The following EYS variants were observed in gnomAD, a reference collection of about 807,000 sequenced individuals.
EYS encodes the protein protein eyes shut homolog.
EYS carries 250 observed loss-of-function variants against 282.1 expected under a neutral mutation model. That is an observed-to-expected ratio of 0.89 (90% CI 0.80 to 0.98). EYS has a LOEUF of 0.98. EYS is among the 50% of genes least tolerant of loss of function. The pLI is 0.00. For synonymous variants in EYS, 1,355 were observed against 1,282.9 expected, an observed-to-expected ratio of 1.06 and a Z score of -1.20; for missense variants, 4,016 against 3,709.0, an observed-to-expected ratio of 1.08 and a Z score of -2.15.
chr6:64,402,434 A>C (rs1339571946), intron 28 of EYS, among the ~76,000 whole-genome samples: 2 of 152,214 alleles, frequency 1.3e-5, no homozygotes, highest in African/African-American at 4.8e-5. Context: ...GTGTTCCTAG[A>C]AATGTACCAC....
intron 36 of EYS, among the ~76,000 whole-genome samples, chr6:63,827,701 G>A (rs9351029): frequency 0.5 from 75,005 of 151,522 alleles, 20,180 homozygotes; most frequent in Non-Finnish European, 0.6. Flanking sequence ...AAAATTAGCC[G>A]GGCGCTGTGG....
rs920132590 is a variant in EYS, at chr6:64,125,785, C to CAAAAA, written c.6425-43788_6425-43784dup. 5.9e-3 allele frequency among the ~76,000 whole-genome samples: 297 copies of CAAAAA among 49,994 alleles called. 5 individuals are homozygous for CAAAAA. Among genetic ancestry groups the CAAAAA allele is most frequent in the African/African-American group, 0.018 (285 of 15,808 alleles). The allele number at this position is 49,994 out of a possible 152,430, so 32.8% of individuals were successfully genotyped here. On this transcript the variant is annotated intron_variant, in intron 31 of 42. Transcript: ENST00000503581. ...TGGGCGACAGAGCAAGACTCCGTCT[C>CAAAAA]AAAAAAAAAAAAAAAAAAAAAAAAG...
intron 35 of EYS, among the ~76,000 whole-genome samples, chr6:63,878,420 G>T (rs879736711): frequency 3.3e-5 from 5 of 152,170 alleles, no homozygotes; most frequent in Non-Finnish European, 7.3e-5. Flanking sequence ...GCTACTCGGG[G>T]GTCCGGGACC....
intron 33 of EYS, among the ~76,000 whole-genome samples, chr6:64,007,829 T>G (rs1248349972): frequency 1.3e-5 from 2 of 152,240 alleles, no homozygotes; most frequent in Admixed American, 1.3e-4. Context: ...ATTTCTATTT[T>G]TATTGCACTG....
At chr6:64,073,010 T>A (rs919193969) in intron 32 of EYS, among the ~76,000 whole-genome samples, 1 of 151,860 alleles carries the variant, frequency 6.6e-6, no homozygotes, top group Admixed American at 6.6e-5. Flanking sequence ...TAAAGGAAGC[T>A]CAGCCACTAA....
At chr6:64,391,941 C>G (rs1035351798) in intron 28 of EYS, among the ~76,000 whole-genome samples, 3 of 151,636 alleles carry the variant, frequency 2.0e-5, no homozygotes, top group South Asian at 2.1e-4. Context: ...ATCTACCAAG[C>G]AAATGGAAAA....
intron 26 of EYS, among the ~76,000 whole-genome samples, chr6:64,488,812 C>T (rs1159341937): frequency 6.6e-6 from 1 of 150,858 alleles, no homozygotes; most frequent in African/African-American, 2.4e-5. Flanking sequence ...TGGAAATATG[C>T]TTCTAATATT....
intron 33 of EYS, among the ~76,000 whole-genome samples, chr6:64,065,950 A>C (rs996797497): frequency 6.6e-6 from 1 of 152,186 alleles, no homozygotes; most frequent in South Asian, 2.1e-4. Context: ...TGGCTGTTAC[A>C]CACGTAAATA....
intron 29 of EYS, among the ~76,000 whole-genome samples, chr6:64,385,496 T>C (rs920435454): frequency 2.6e-5 from 4 of 152,212 alleles, no homozygotes; most frequent in African/African-American, 7.2e-5. Flanking sequence ...ATACTGAATG[T>C]TCCTCCAAAT....
intron 37 of EYS, among the ~76,000 whole-genome samples, chr6:63,799,892 T>C (rs908277880): frequency 6.6e-6 from 1 of 152,162 alleles, no homozygotes; most frequent in Admixed American, 6.5e-5. Flanking sequence ...AGGGCAGGAA[T>C]TCCAGGCAAG....
intron 5 of EYS, among the ~76,000 whole-genome samples, chr6:65,473,717 T>C (rs1765299263): frequency 6.6e-6 from 1 of 151,930 alleles, no homozygotes; most frequent in Admixed American, 6.6e-5. Flanking sequence ...GTTAAATGTT[T>C]TGGACAAGAT....
rs189474821 is a variant in EYS, at chr6:64,608,027, G to A, written c.3684+9391C>T. ...CATAAATAATAACGTTTTAATGGAA[G>A]CTTATGGCTCAAGTGATATTTTAAA... is the stretch of plus-strand genomic sequence containing the variant. On this transcript the variant is annotated intron_variant, in intron 24 of 42. Transcript: ENST00000503581. Among the ~76,000 whole-genome samples, 180 of 152,012 alleles carry A rather than the reference G, an allele frequency of 1.2e-3. 1 individual carries two copies. The highest frequency in any genetic ancestry group is 1.9e-3 in the Non-Finnish European group (132 of 67,936).
At chr6:64,103,765 A>C (rs1772911815) in intron 31 of EYS, among the ~76,000 whole-genome samples, 1 of 152,180 alleles carries the variant, frequency 6.6e-6, no homozygotes, top group African/African-American at 2.4e-5. Flanking sequence ...TGAATTAGGA[A>C]GAGCAAGAAG....
chr6:65,605,765 GTGAAAAAGGCAAGCTA>G (rs901361347), intron 2 of EYS, among the ~76,000 whole-genome samples: 10 of 151,618 alleles, frequency 6.6e-5, no homozygotes, highest in African/African-American at 2.4e-4. Context: ...ACTTTTTTGA[GTGAAAAAGGCAAGCTA>G]TGAAAAATTA....
At chr6:63,987,115 C>A (rs563005604) in intron 34 of EYS, among the ~76,000 whole-genome samples, 1 of 151,788 alleles carries the variant, frequency 6.6e-6, no homozygotes, top group Admixed American at 6.6e-5. Context: ...ATGAATATTT[C>A]ATAGAAGCTA....
chr6:63,827,467 C>T (rs1225133608), intron 36 of EYS, among the ~76,000 whole-genome samples: 1 of 152,188 alleles, frequency 6.6e-6, no homozygotes, highest in African/African-American at 2.4e-5. Flanking sequence ...ACAGAATATA[C>T]ATTCTATTCA....
chr6:65,690,953 G>T (rs1046906631), intron 1 of EYS, among the ~76,000 whole-genome samples: 1 of 150,358 alleles, frequency 6.7e-6, no homozygotes, highest in Non-Finnish European at 1.5e-5. Flanking sequence ...TGGTGTATAT[G>T]TGCCACATTT....
intron 22 of EYS, among the ~76,000 whole-genome samples, chr6:64,743,770 T>C (rs1490820310): frequency 6.6e-6 from 1 of 152,136 alleles, no homozygotes; most frequent in Non-Finnish European, 1.5e-5. Flanking sequence ...TTAGAATATT[T>C]AGAATTGTTA....
chr6:65,189,953 T>G, intron 12 of EYS, among the ~76,000 whole-genome samples: 1 of 151,812 alleles, frequency 6.6e-6, no homozygotes, highest in East Asian at 1.9e-4. Flanking sequence ...AAGTCTGTGC[T>G]TCTTCCGTTC....
Sources: allele counts gnomAD v4.1 joint callset (sites outside exome capture counted in the v4.1 genomes callset), GRCh38; gene constraint gnomAD v4.1.1; transcripts MANE v1.5; gene names NCBI Gene and HGNC (gene_info 2026-07-23, HGNC 2026-07-21).